The following APLP2 variants were observed in gnomAD, a reference collection of about 807,000 sequenced individuals.
APLP2 encodes CDEI box-binding protein.
In APLP2, 53 loss-of-function variants were observed where a neutral mutation model predicts 89.9. That is an observed-to-expected ratio of 0.59 (90% CI 0.47 to 0.74). APLP2 has a LOEUF of 0.74. Among genes scored for constraint, APLP2 ranks in the 30% least tolerant of loss-of-function variants. APLP2 has a pLI of 0.00. For synonymous variants in APLP2, 372 were observed against 348.6 expected, an observed-to-expected ratio of 1.07 and a Z score of -0.75; for missense variants, 973 against 975.9, an observed-to-expected ratio of 1.00 and a Z score of 0.04.
rs753582631 is a variant in APLP2, at chr11:130,142,063, G to A, written c.2143G>A (p.Gly715Arg). 5.6e-6 allele frequency: 9 copies of A among 1,612,558 alleles called. No homozygotes were observed. The highest frequency in any genetic ancestry group is 3.3e-5 in the Admixed American group (2 of 59,916). The change falls in exon 16 of 17, where the codon GGG becomes AGG. Residue 715 changes from glycine to arginine, a missense_variant. Transcript: ENST00000338167. ...GAGGCAGTATGGCACCATCAGCCAC[G>A]GGATCGTGGAGGTGAGGAGCTGGGC... ...RKRQYGTISH[G>R]IVEVDPMLTP...
intron 13 of APLP2, chr11:130,138,996 AAGG>A (rs1952010230): frequency 6.6e-6 from 1 of 152,150 alleles, no homozygotes; most frequent in Non-Finnish European, 1.5e-5. Context: ...ATATATATGG[AAGG>A]AGCTCAGAAT....
rs1374678604 is a variant in APLP2, at chr11:130,121,804, A to T, written c.707A>T (p.Tyr236Phe). 1 of 1,610,326 alleles carries T rather than the reference A, an allele frequency of 6.2e-7. No individual in the cohort carries two copies. Among genetic ancestry groups the T allele is most frequent in the Non-Finnish European group, 8.5e-7 (1 of 1,179,932 alleles). Reference protein sequence around the residue: ...EEDEEEDYDVYKSEFPTEADL... With the variant: ...EEDEEEDYDVFKSEFPTEADL... The stretch of plus-strand genomic sequence containing the variant: ...GATGAAGAGGAAGACTATGATGTTT[A>T]TAAAAGGTAACTCTTCTACTTTGAA... Residue 236 changes from tyrosine to phenylalanine, a missense_variant, in exon 5 of 17, where the codon TAT becomes TTT. Transcript: ENST00000338167.
chr11:130,141,365 G>C lies in APLP2; in HGVS notation c.1924-133G>C. The C allele has an allele frequency of 1.4e-6, 1 of 690,628 alleles. No homozygotes were observed. Among genetic ancestry groups the C allele is most frequent in the Non-Finnish European group, 2.6e-6 (1 of 388,214 alleles). The allele number at this position is 690,628 out of a possible 1,614,324, so 42.8% of individuals were successfully genotyped here. ...GGATTTGGAAGGCTGTGACAGAACT[G>C]GTTGGTTAATGGGGGTCCCACAGGT... On this transcript the variant is annotated intron_variant, in intron 14 of 16. Coordinates refer to ENST00000338167, the MANE Select transcript of APLP2 (RefSeq NM_001142276.2). This position sits in a 1 kb window ranked among gnomAD's most constrained non-coding sequence, Gnocchi z 4.2.
At chr11:130,109,787 G>A (rs1161528246) in intron 2 of APLP2, 185 bp downstream of exon 2, 2 of 556,088 alleles carry the variant, frequency 3.6e-6, no homozygotes, top group Admixed American at 4.0e-5. Context: ...CTTTGCCTGC[G>A]TGTTCTGTGA....
chr11:130,115,334 A>G (rs1319509341), intron 3 of APLP2, among the ~76,000 whole-genome samples: 5 of 152,130 alleles, frequency 3.3e-5, no homozygotes, highest in Non-Finnish European at 7.3e-5. Flanking sequence ...ATTTACTTAT[A>G]TGCATGGGTG....
At chr11:130,070,495 A>G (rs2135264446) in intron 1 of APLP2, 1 of 1,136,872 alleles carries the variant, frequency 8.8e-7, no homozygotes, top group East Asian at 4.1e-5. Context: ...CCCCGCGCGG[A>G]CCCCGTACGC....
At chr11:130,125,426 G>A (rs915273760) in intron 7 of APLP2, among the ~76,000 whole-genome samples, 1 of 152,318 alleles carries the variant, frequency 6.6e-6, no homozygotes, top group African/African-American at 2.4e-5. Context: ...CTGAACTTGC[G>A]AGTGTCTTGG....
chr11:130,092,659 C>T lies in APLP2; in HGVS notation c.106-16770C>T, dbSNP rs536693642. 7.6e-3 allele frequency among the ~76,000 whole-genome samples: 934 copies of T among 123,516 alleles called. 14 individuals carry two copies. Among genetic ancestry groups the T allele is most frequent in the African/African-American group, 0.03 (898 of 29,492 alleles). 81.0% of individuals were successfully genotyped at this position (123,516 alleles called of 152,430 possible). ...AGGTTGCAGTGAGCCGAGATGGCAGCAGTACAGTCCAGCTTCAGCTCCGCA... is the reference window on the plus strand; with the variant it reads ...AGGTTGCAGTGAGCCGAGATGGCAGTAGTACAGTCCAGCTTCAGCTCCGCA... On this transcript the variant is annotated intron_variant, in intron 1 of 16. Coordinates refer to ENST00000338167, the MANE Select transcript of APLP2 (RefSeq NM_001142276.2).
intron 1 of APLP2, among the ~76,000 whole-genome samples, chr11:130,108,076 A>T (rs1033033716): frequency 2.6e-5 from 4 of 152,246 alleles, no homozygotes; most frequent in African/African-American, 7.2e-5. Context: ...AAGATGGATT[A>T]AAGACTTAAA....
chr11:130,107,388 A>G (rs1202800135), intron 1 of APLP2, among the ~76,000 whole-genome samples: 2 of 152,106 alleles, frequency 1.3e-5, no homozygotes, highest in African/African-American at 4.8e-5. Context: ...TACAAAATCA[A>G]TGTGCAAAAA....
intron 1 of APLP2, among the ~76,000 whole-genome samples, chr11:130,088,143 A>C (rs1174506546): frequency 1.3e-5 from 2 of 152,234 alleles, no homozygotes; most frequent in Non-Finnish European, 2.9e-5. Context: ...ACTTGAATTC[A>C]GATGGCCCCA....
intron 3 of APLP2, among the ~76,000 whole-genome samples, chr11:130,112,370 G>T (rs1218993483): frequency 6.6e-6 from 1 of 151,390 alleles, no homozygotes. Context: ...AAAGAAATGA[G>T]GGTGATGGTG....
In APLP2 at chr11:130,110,452, A is replaced by G. The variant is rs1313065591; in HGVS notation, c.280-86A>G. ...GTATGTAGGATAAGGGTGGAGGCTG[A>G]ATAAACTTAGACACTCCATCCTTAC... is the stretch of plus-strand genomic sequence containing the variant. On this transcript the variant is annotated intron_variant, in intron 2 of 16. Transcript: ENST00000338167. 7 of 1,522,428 alleles carry G rather than the reference A, an allele frequency of 4.6e-6. No individual in the cohort carries two copies. The East Asian group carries it at 1.4e-4, about 30-fold the overall frequency. The allele number at this position is 1,522,428 out of a possible 1,614,324, so 94.3% of individuals were successfully genotyped here. A position where few individuals can be genotyped will look rare whatever the true frequency, so the allele number is the denominator to read the frequency against.
At chr11:130,088,051 A>T (rs11819775) in intron 1 of APLP2, among the ~76,000 whole-genome samples, 16,797 of 152,202 alleles carry the variant, frequency 0.11, 1,182 homozygotes, top group East Asian at 0.24. Flanking sequence ...CAGTTTTTAC[A>T]TGTAGTTTTC....
chr11:130,133,630 T>C lies in APLP2; in HGVS notation c.1586T>C (p.Val529Ala). The C allele has an allele frequency of 6.2e-7, 1 of 1,611,972 alleles. No homozygotes were observed. Residue 529 changes from valine to alanine, a missense_variant and splice_region_variant, in exon 12 of 17, where the codon GTG becomes GCG. Physicochemically the swap from Val to Ala is moderately conservative, Grantham distance 64. Coordinates refer to ENST00000338167, the MANE Select transcript of APLP2 (RefSeq NM_001142276.2). Reference sequence around the variant, plus strand: ...TCTCCACCATAACTCTGCTTCCAGGTGATGACACATCTCCACGTGATTGAA... The same window carrying C: ...TCTCCACCATAACTCTGCTTCCAGGCGATGACACATCTCCACGTGATTGAA... ...PEKAAQMKSQ[V>A]MTHLHVIEER... is the part of the protein sequence containing the mutation.
chr11:130,127,041 C>T (rs974097442), intron 8 of APLP2, among the ~76,000 whole-genome samples: 6 of 149,814 alleles, frequency 4.0e-5, no homozygotes, highest in Non-Finnish European at 8.8e-5. Context: ...ATCCTCTGAG[C>T]ACTTCCTATA....
Position 130,123,653 on chromosome 11 carries a change from G to T in APLP2, c.964G>T (p.Val322Leu), listed in dbSNP as rs371634970. The stretch of plus-strand genomic sequence containing the variant: ...GGCGATGACGGGGCCCTGCCGGGCC[G>T]TGATGCCTCGTTGGTACTTCGACCT... ...QEAMTGPCRA[V>L]MPRWYFDLSK... The change falls in exon 7 of 17, where the codon GTG becomes TTG. Residue 322 changes from valine to leucine, a missense_variant. By Grantham distance (32) the Val-to-Leu change is conservative (BLOSUM62 1). Coordinates refer to ENST00000338167, the MANE Select transcript of APLP2 (RefSeq NM_001142276.2). The surrounding 1 kb of genome is among the most constrained non-coding windows in gnomAD (Gnocchi z 4.0). 5 of 1,614,230 alleles carry T rather than the reference G, an allele frequency of 3.1e-6. No homozygotes were observed. Among genetic ancestry groups the T allele is most frequent in the South Asian group, 2.2e-5 (2 of 91,090 alleles).
Position 130,071,073 on chromosome 11 carries a change from A to G in APLP2, c.105+991A>G, listed in dbSNP as rs553291053. 3.3e-5 allele frequency among the ~76,000 whole-genome samples: 5 copies of G among 152,336 alleles called. No homozygotes were observed. In the East Asian group the frequency reaches 9.6e-4, roughly 29 times the overall value. ...GTGGTGCTTGAACTGCTGGTCTGGA[A>G]TGTGTAGTTCTGGTGTCGTTTATTT... On this transcript the variant is annotated intron_variant, in intron 1 of 16. Coordinates refer to ENST00000338167, the MANE Select transcript of APLP2 (RefSeq NM_001142276.2).
At position 130,141,672 on chromosome 11, in the gene APLP2, C is replaced by CTAAT; in HGVS notation, c.1998+101_1998+104dup. On this transcript the variant is annotated intron_variant, in intron 15 of 16. Coordinates refer to ENST00000338167, the MANE Select transcript of APLP2 (RefSeq NM_001142276.2). This position sits in a 1 kb window ranked among gnomAD's most constrained non-coding sequence, Gnocchi z 4.2. ...GTAGAAAACGGGAGAGATGCCTGAG[C>CTAAT]TAATAAGGGTCCCTCATCCCCAGCT... 1 of 1,077,174 alleles carries CTAAT rather than the reference C, an allele frequency of 9.3e-7. No homozygotes were observed. Among genetic ancestry groups the CTAAT allele is most frequent in the South Asian group, 1.4e-5 (1 of 71,360 alleles). 66.7% of individuals were successfully genotyped at this position (1,077,174 alleles called of 1,614,324 possible).
Sources: gnomAD v4.1 joint callset for allele counts (sites outside exome capture counted in the v4.1 genomes callset) on GRCh38, gnomAD v4.1.1 for gene constraint, Gnocchi (gnomAD v3.1) non-coding constraint, MANE v1.5 for transcripts, NCBI Gene and HGNC (gene_info 2026-07-23, HGNC 2026-07-21) for gene names.